Variants in JAML observed in about 807,000 individuals in gnomAD.
JAML encodes junctional adhesion molecule-like.
JAML carries 25 observed loss-of-function variants against 39.3 expected under a neutral mutation model. The ratio of observed to expected loss-of-function variants is 0.64; its 90% CI spans 0.46 to 0.89. JAML has a LOEUF of 0.89. JAML is among the 40% of genes least tolerant of loss of function. The pLI is 0.00. For missense variants in JAML, 440 were observed against 486.9 expected (o/e 0.90, Z 0.91); for synonymous variants, 162 against 179.2 (o/e 0.90, Z 0.77).
intron 1 of JAML, among the ~76,000 whole-genome samples, chr11:118,221,756 C>T (rs897600828): frequency 2.6e-5 from 4 of 152,184 alleles, no homozygotes; most frequent in Non-Finnish European, 4.4e-5. Flanking sequence ...AAAAGTGAGT[C>T]TTTTGTGGTT....
At chr11:118,218,929 G>T (rs1371515101) in intron 1 of JAML, among the ~76,000 whole-genome samples, 1 of 152,178 alleles carries the variant, frequency 6.6e-6, no homozygotes, top group African/African-American at 2.4e-5. Flanking sequence ...CTCCTCAGCA[G>T]ATGTTTGGAG....
At chr11:118,210,815 G>T in intron 3 of JAML, 103 bp from the exon 4 acceptor site, 2 of 932,360 alleles carry the variant, frequency 2.1e-6, no homozygotes, top group Admixed American at 2.3e-5. Flanking sequence ...CTATCATCAT[G>T]ATCATGATCC....
Position 118,194,367 on chromosome 11 carries a change from T to G in JAML, c.1143A>C (p.Lys381Asn). Residue 381 changes from lysine to asparagine, a missense_variant, in exon 10 of 10, where the codon AAA becomes AAC. Physicochemically the swap from Lys to Asn is moderately conservative, Grantham distance 94. Coordinates refer to ENST00000356289, the MANE Select transcript of JAML (RefSeq NM_001098526.2). ...TTTTTGGCATTCCCCCACCTGACTT[T>G]TTTTCAAGTGAGTTGTTCCGATCTG... ...LRSDRNNSLE[K>N]KSGGGMPKTQ... The G allele has an allele frequency of 6.2e-7, 1 of 1,614,142 alleles. No homozygotes were observed. The highest frequency in any genetic ancestry group is 2.2e-5 in the East Asian group (1 of 44,882).
At chr11:118,224,020 GC>G (rs1270610241) in intron 1 of JAML, 1 of 152,328 alleles carries the variant, frequency 6.6e-6, no homozygotes, top group East Asian at 1.9e-4. Flanking sequence ...CACCTGCAGA[GC>G]CAAGTCCTCT....
In JAML at chr11:118,221,618, C is replaced by T. The variant is rs183489855; in HGVS notation, c.-21+3323G>A. Among the ~76,000 whole-genome samples the T allele has an allele frequency of 3.5e-3, 539 of 152,334 alleles. 8 individuals carry two copies. Among genetic ancestry groups the T allele is most frequent in the Non-Finnish European group, 6.3e-4 (43 of 68,034 alleles). ...TGCCCCCGACTTACCTCCTGCTGAG[C>T]GGTTCGGTTCCCAACAGGCCATGGA... On this transcript the variant is annotated intron_variant, in intron 1 of 9. Coordinates refer to ENST00000356289, the MANE Select transcript of JAML (RefSeq NM_001098526.2).
chr11:118,214,793 T>A, intron 2 of JAML, 31 bp downstream of exon 2: 1 of 1,609,626 alleles, frequency 6.2e-7, no homozygotes, highest in Non-Finnish European at 8.5e-7. Context: ...AGAAATCAAA[T>A]ACCCCACGGA....
chr11:118,221,352 T>G (rs2134680012), intron 1 of JAML, among the ~76,000 whole-genome samples: 1 of 152,286 alleles, frequency 6.6e-6, no homozygotes, highest in South Asian at 2.1e-4. Context: ...GGGGACAATT[T>G]TTCCCCATGG....
chr11:118,194,541 T>C (rs1444604968), intron 9 of JAML, 124 bp from the exon 10 acceptor site: 10 of 719,776 alleles, frequency 1.4e-5, no homozygotes, highest in African/African-American at 3.5e-5. Flanking sequence ...ATATGCATTA[T>C]CTCATGTGAT....
chr11:118,194,542 C>T (rs1447100826), intron 9 of JAML, 125 bp from the exon 10 acceptor site: 16 of 718,360 alleles, frequency 2.2e-5, no homozygotes, highest in Non-Finnish European at 3.7e-5. Context: ...TATGCATTAT[C>T]TCATGTGATC....
intron 5 of JAML, chr11:118,204,319 T>A (rs557443706): frequency 1.6e-3 from 241 of 153,758 alleles, no homozygotes; most frequent in Admixed American, 4.5e-3. Context: ...TATGACAATC[T>A]ATTTTCAGCA....
chr11:118,201,362 T>C (rs1032119854), intron 6 of JAML: 2 of 152,186 alleles, frequency 1.3e-5, no homozygotes, highest in African/African-American at 4.8e-5. Context: ...GAAGACAATA[T>C]GGAGAAGGAC....
At chr11:118,224,685 T>C (rs1303593430) in intron 1 of JAML, among the ~76,000 whole-genome samples, 6 of 152,180 alleles carry the variant, frequency 3.9e-5, no homozygotes, top group African/African-American at 9.7e-5. Flanking sequence ...TCATAATCAT[T>C]GTCACGTACT....
chr11:118,220,543 C>G (rs77280285), intron 1 of JAML, among the ~76,000 whole-genome samples: 3,501 of 152,326 alleles, frequency 0.023, 157 homozygotes, highest in South Asian at 0.19. Context: ...AAAGAAACAT[C>G]TACTTTTCTT....
Position 118,196,816 on chromosome 11 carries a change from G to A in JAML, c.1011C>T (p.His337=), listed in dbSNP as rs1235302059. The A allele has an allele frequency of 6.2e-7, 1 of 1,610,104 alleles. No individual in the cohort carries two copies. Among genetic ancestry groups the A allele is most frequent in the South Asian group, 1.1e-5 (1 of 90,986 alleles). ...CHFERCEGEK[H]IYSPIIVREV... is the part of the protein sequence containing the mutation. ...CCCGTACAATTATTGGGGAGTAAAT[G>A]TGTTTCTAGAGGGGGAAAATGGTAC... The change falls in exon 9 of 10, where the codon CAC becomes CAT. Residue 337 remains histidine (H), a synonymous_variant. Coordinates refer to ENST00000356289, the MANE Select transcript of JAML (RefSeq NM_001098526.2).
At position 118,208,232 on chromosome 11, in the gene JAML, TA is replaced by T. The variant is rs760166176; in HGVS notation, c.425-2242del. ...CTGGGTGACAGAGCAAGACCCCACCTAAAAAAAAAAGAGAGAGAGAGAGAGA... is the reference window on the plus strand; with the variant it reads ...CTGGGTGACAGAGCAAGACCCCACCTAAAAAAAAAGAGAGAGAGAGAGAGA... On this transcript the variant is annotated intron_variant, in intron 4 of 9. Transcript: ENST00000356289. Among the ~76,000 whole-genome samples the T allele has an allele frequency of 9.8e-4, 50 of 50,798 alleles. No homozygotes were observed. In the East Asian group the frequency reaches 0.02, roughly 20 times the overall value. The allele number at this position is 50,798 out of a possible 152,430, so 33.3% of individuals were successfully genotyped here. A position where few individuals can be genotyped will look rare whatever the true frequency, so the allele number is the denominator to read the frequency against.
intron 4 of JAML, among the ~76,000 whole-genome samples, chr11:118,206,679 C>G (rs1948922779): frequency 6.6e-6 from 1 of 152,298 alleles, no homozygotes; most frequent in East Asian, 1.9e-4. Context: ...TAATCCTGCT[C>G]TCTCCTGCCC....
At position 118,196,782 on chromosome 11, in the gene JAML, C is replaced by T. The variant is rs763049485; in HGVS notation, c.1045G>A (p.Glu349Lys). 17 of 1,612,930 alleles carry T rather than the reference C, an allele frequency of 1.1e-5. No homozygotes were observed. Among genetic ancestry groups the T allele is most frequent in the South Asian group, 5.5e-5 (5 of 91,030 alleles). ...GATTTTTCACTTGGTTCTTCTTCCT[C>T]GATCACCTCCCGTACAATTATTGGG... The part of the protein sequence containing the change: ...YSPIIVREVI[E>K]EEEPSEKSEA... Residue 349 changes from glutamate (E) to lysine (K), a missense_variant, in exon 9 of 10, where the codon GAG becomes AAG. Physicochemically the swap from Glu to Lys is moderately conservative, Grantham distance 56. Coordinates refer to ENST00000356289, the MANE Select transcript of JAML (RefSeq NM_001098526.2).
chr11:118,223,812 CAGAAA>C (rs45583240), intron 1 of JAML, among the ~76,000 whole-genome samples: 8 of 152,090 alleles, frequency 5.3e-5, no homozygotes, highest in Non-Finnish European at 1.0e-4. Flanking sequence ...CTTTATATTA[CAGAAA>C]AGAAATCTTC....
intron 8 of JAML, chr11:118,197,254 T>C (rs1375499788): frequency 6.3e-6 from 1 of 159,468 alleles, no homozygotes; most frequent in African/African-American, 2.4e-5. Flanking sequence ...TTCATGGTCC[T>C]GTCACTCGTT....
Sources: allele counts gnomAD v4.1 joint callset (sites outside exome capture counted in the v4.1 genomes callset), GRCh38; gene constraint gnomAD v4.1.1; transcripts MANE v1.5; gene names NCBI Gene and HGNC (gene_info 2026-07-23, HGNC 2026-07-21).